The following PEX5 variants were observed in gnomAD, a reference collection of about 807,000 sequenced individuals.
PEX5 encodes the protein peroxisomal biogenesis factor 5, also known as PTS1 receptor.
In PEX5, 52 loss-of-function variants were observed where a neutral mutation model predicts 82.9. The observed-to-expected ratio is 0.63, with a 90% CI of 0.50 to 0.79. The LOEUF is 0.79. Ranked by LOEUF, PEX5 falls within the 30% of genes least tolerant of loss-of-function variation. PEX5 has a pLI of 0.00. For missense variants in PEX5, 719 were observed against 815.2 expected, an observed-to-expected ratio of 0.88 and a Z score of 1.44; for synonymous variants, 300 against 318.8, an observed-to-expected ratio of 0.94 and a Z score of 0.63.
chr12:7,199,181 C>A, intron 6 of PEX5, 68 bp downstream of exon 6: 1 of 835,170 alleles, frequency 1.2e-6, no homozygotes, highest in Non-Finnish European at 2.0e-6. Context: ...CCTCCTCCAT[C>A]CACGTTCTCG....
intron 17 of PEX5, among the ~76,000 whole-genome samples, chr12:7,216,965 CGT>C (rs1565733945): frequency 6.6e-6 from 1 of 152,042 alleles, no homozygotes; most frequent in African/African-American, 2.4e-5. Flanking sequence ...CTAATTCATA[CGT>C]GTTTATTTTT....
chr12:7,218,260 G>A (rs770649466), intron 17 of PEX5: 2 of 152,262 alleles, frequency 1.3e-5, no homozygotes, highest in South Asian at 2.1e-4. Context: ...ACTAAAGTAG[G>A]AATTCATTGC....
chr12:7,201,291 GTA>G (rs1943970576), intron 6 of PEX5, among the ~76,000 whole-genome samples: 1 of 112,510 alleles, frequency 8.9e-6, no homozygotes, highest in Non-Finnish European at 2.1e-5. Context: ...AGACATACAT[GTA>G]TACACACATA....
intron 9 of PEX5, among the ~76,000 whole-genome samples, 166 bp downstream of exon 9, chr12:7,202,870 T>G (rs1227763873): frequency 6.6e-6 from 1 of 151,950 alleles, no homozygotes; most frequent in Admixed American, 6.6e-5. Context: ...AAATGCAGAT[T>G]TCTGGGCCAG....
intron 10 of PEX5, among the ~76,000 whole-genome samples, chr12:7,205,112 C>T (rs1944598681): frequency 6.6e-6 from 1 of 152,150 alleles, no homozygotes; most frequent in Admixed American, 6.5e-5. Context: ...TGACATTAGT[C>T]TTTGCAATGA....
intron 5 of PEX5, among the ~76,000 whole-genome samples, chr12:7,194,245 A>G (rs2135944192): frequency 6.6e-6 from 1 of 152,308 alleles, no homozygotes; most frequent in East Asian, 1.9e-4. Context: ...AATCAAGTTT[A>G]AAAAGAATGT....
intron 10 of PEX5, among the ~76,000 whole-genome samples, chr12:7,205,406 G>T (rs1944643874): frequency 6.6e-6 from 1 of 152,166 alleles, no homozygotes; most frequent in South Asian, 2.1e-4. Flanking sequence ...GGATCTCTTT[G>T]AATGCACTGT....
chr12:7,202,261 G>C lies in PEX5; in HGVS notation c.663G>C (p.Gln221His), dbSNP rs886043565. The change falls in exon 8 of 16, where the codon CAG becomes CAC. Residue 221 changes from glutamine to histidine, a missense_variant. Transcript: ENST00000675855. ...ANSEFLKFVRQIGEGQVSLES... is the reference protein window; with the variant it reads ...ANSEFLKFVRHIGEGQVSLES... ...CCCAGTTCCTGAAATTCGTGCGGCA[G>C]ATTGGCGAAGGGCAGGTGTCCCTGG... is the stretch of plus-strand genomic sequence containing the variant. 1.2e-6 allele frequency: 2 copies of C among 1,614,036 alleles called. No individual in the cohort carries two copies. The highest frequency in any genetic ancestry group is 8.5e-7 in the Non-Finnish European group (1 of 1,180,036).
intron 17 of PEX5, among the ~76,000 whole-genome samples, chr12:7,216,540 A>G (rs780047082): frequency 6.6e-6 from 1 of 151,958 alleles, no homozygotes; most frequent in Non-Finnish European, 1.5e-5. Context: ...AGTAAAATTG[A>G]ATTATCATAT....
Position 7,191,086 on chromosome 12 carries a change from GAC to G in PEX5, c.184-138_184-137del, listed in dbSNP as rs768315581. ...TTTCGTCCTTCTAAATCTATGGAAAGACAGTTTCTCTTTATGTGTCTCCAGTT... is the reference window on the plus strand; with the variant it reads ...TTTCGTCCTTCTAAATCTATGGAAAGAGTTTCTCTTTATGTGTCTCCAGTT... On this transcript the variant is annotated intron_variant, in intron 3 of 15. Coordinates refer to ENST00000675855, the MANE Select transcript of PEX5 (RefSeq NM_001351132.2). 155 of 1,199,456 alleles carry G rather than the reference GAC, an allele frequency of 1.3e-4. 1 individual carries two copies. The highest frequency in any genetic ancestry group is 1.7e-4 in the Admixed American group (10 of 58,790). 74.3% of individuals were successfully genotyped at this position (1,199,456 alleles called of 1,614,324 possible).
In PEX5 at chr12:7,208,566, C is replaced by A. The variant is rs765682048; in HGVS notation, c.1291C>A (p.Arg431=). 1 of 1,613,262 alleles carries A rather than the reference C, an allele frequency of 6.2e-7. No homozygotes were observed. Residue 431 remains arginine, a synonymous_variant, in exon 13 of 16, where the codon CGG becomes AGG. Coordinates refer to ENST00000675855, the MANE Select transcript of PEX5 (RefSeq NM_001351132.2). ...CTGTGAAACCCTACGAGACTGGCTG[C>A]GGTACACACCAGCCTATGCCCATCT... ...QACETLRDWL[R]YTPAYAHLVT...
At chr12:7,213,657 T>C (rs973297949), downstream of PEX5, among the ~76,000 whole-genome samples, 3 of 146,542 alleles carry the variant, frequency 2.0e-5, no homozygotes, top group African/African-American at 7.5e-5. Flanking sequence ...ATTCAGGACA[T>C]AGGCATGGGC....
chr12:7,193,042 G>A (rs766152378), intron 5 of PEX5, among the ~76,000 whole-genome samples: 2 of 152,168 alleles, frequency 1.3e-5, no homozygotes, highest in African/African-American at 4.8e-5. Flanking sequence ...AGGTGCTCTT[G>A]GCTTTAAGAG....
intron 6 of PEX5, 114 bp from the exon 7 acceptor site, chr12:7,201,637 C>G: frequency 1.3e-6 from 1 of 796,474 alleles, no homozygotes; most frequent in Non-Finnish European, 2.2e-6. Flanking sequence ...AGGTTCTCAA[C>G]AGGAGAATGG....
chr12:7,193,083 A>G lies in PEX5; in HGVS notation c.448+1383A>G, dbSNP rs1941448772. On this transcript the variant is annotated intron_variant, in intron 5 of 15. Coordinates refer to ENST00000675855, the MANE Select transcript of PEX5 (RefSeq NM_001351132.2). ...ATCACTTTATCTTCTTAAGCTCATT[A>G]GAACTTCACAGTAACAGTAACACAA... 2.6e-5 allele frequency among the ~76,000 whole-genome samples: 4 copies of G among 152,256 alleles called. No homozygotes were observed. In the South Asian group the frequency reaches 8.3e-4, roughly 31 times the overall value.
chr12:7,197,314 CATATGTCATATACAATGTAATAATTATAT>C (rs1942797846), intron 5 of PEX5, among the ~76,000 whole-genome samples: 1 of 36,410 alleles, frequency 2.7e-5, no homozygotes, highest in African/African-American at 1.0e-4. Context: ...ATAATGTAAT[CATATGTCATATACAATGTAATAATTATAT>C]ATGTCATATA....
chr12:7,208,722 A>G, intron 13 of PEX5, 53 bp downstream of exon 13: 2 of 1,471,526 alleles, frequency 1.4e-6, no homozygotes, highest in Non-Finnish European at 1.9e-6. Context: ...AAGTCCCAGT[A>G]GGAGGGTGAC....
Position 7,210,366 on chromosome 12 carries a change from G to A in PEX5, c.*143G>A. ...CTTTCAGGAGCTGCCTCAACGTAGG[G>A]GTGGGTAGTCTGTGTTCTAGTTCCT... On this transcript the variant is annotated 3_prime_UTR_variant, in exon 16 of 16. Coordinates refer to ENST00000675855, the MANE Select transcript of PEX5 (RefSeq NM_001351132.2). 4.1e-6 allele frequency: 3 copies of A among 738,792 alleles called. No homozygotes were observed. The highest frequency in any genetic ancestry group is 2.7e-4 in the Middle Eastern group (1 of 3,730). The allele number at this position is 738,792 out of a possible 1,614,324, so 45.8% of individuals were successfully genotyped here. A position where few individuals can be genotyped will look rare whatever the true frequency, so the allele number is the denominator to read the frequency against.
rs745506018 is a variant in PEX5, at chr12:7,202,451, G to A, written c.753+100G>A. ...TCCCAGATGGGGAAGGATAAGACCA[G>A]CTTGTCTTGATAGCATCCAGGTCCC... On this transcript the variant is annotated intron_variant, in intron 8 of 15. Transcript: ENST00000675855. 2.7e-6 allele frequency: 4 copies of A among 1,500,622 alleles called. No homozygotes were observed. The East Asian group carries it at 9.2e-5, about 35-fold the overall frequency. 93.0% of individuals were successfully genotyped at this position (1,500,622 alleles called of 1,614,324 possible).
Sources: allele counts gnomAD v4.1 joint callset (sites outside exome capture counted in the v4.1 genomes callset), GRCh38; gene constraint gnomAD v4.1.1; transcripts MANE v1.5; gene names NCBI Gene and HGNC (gene_info 2026-07-23, HGNC 2026-07-21).